NRG3: variants seen among roughly 807,000 people sequenced by gnomAD.
The protein encoded by NRG3 is neuregulin 3.
In NRG3, 31 loss-of-function variants were observed where a neutral mutation model predicts 66.9. That is an observed-to-expected ratio of 0.46 (90% confidence interval 0.35 to 0.63). NRG3 has a LOEUF of 0.63. NRG3 is among the 20% of genes least tolerant of loss of function. The probability of loss-of-function intolerance (pLI) is 0.00; values close to 1 mark genes in which losing one functional copy is unlikely to be tolerated. For synonymous variants in NRG3, 393 were observed against 359.4 expected, an observed-to-expected ratio of 1.09 and a Z score of -1.06; for missense variants, 910 against 878.9, an observed-to-expected ratio of 1.04 and a Z score of -0.45.
intron 1 of NRG3, among the ~76,000 whole-genome samples, chr10:81,908,863 T>A (rs1164226375): frequency 6.6e-6 from 1 of 152,166 alleles, no homozygotes; most frequent in African/African-American, 2.4e-5. Context: ...TTTCCCATAC[T>A]GTTTTACCAG....
At chr10:82,205,666 A>C (rs12781928) in intron 1 of NRG3, among the ~76,000 whole-genome samples, 83,184 of 151,972 alleles carry the variant, frequency 0.55, 24,494 homozygotes, top group Middle Eastern at 0.68. Context: ...ACTGAAGGAA[A>C]AGATGTCATT....
chr10:82,460,560 C>A (rs754679505), intron 2 of NRG3, among the ~76,000 whole-genome samples: 1 of 152,144 alleles, frequency 6.6e-6, no homozygotes, highest in Non-Finnish European at 1.5e-5. Flanking sequence ...CTATTCATTT[C>A]GGTGCAGGAA....
chr10:82,831,460 GT>G (rs5786574), intron 3 of NRG3, among the ~76,000 whole-genome samples: 58,182 of 151,886 alleles, frequency 0.38, 11,362 homozygotes, highest in African/African-American at 0.47. Context: ...ATGGAACACA[GT>G]TTTTTTTGTG....
intron 1 of NRG3, among the ~76,000 whole-genome samples, chr10:82,142,426 GGTT>G (rs2132656022): frequency 6.6e-6 from 1 of 152,196 alleles, no homozygotes; most frequent in South Asian, 2.1e-4. Context: ...GTCAAAATGT[GGTT>G]GTGAAACCCA....
chr10:82,955,727 CA>C (rs1046446706), intron 5 of NRG3, among the ~76,000 whole-genome samples: 23 of 151,728 alleles, frequency 1.5e-4, no homozygotes, highest in Middle Eastern at 3.2e-3. Flanking sequence ...TTTTAGATCC[CA>C]AAAAAAGCCT....
rs555498798 is a variant in NRG3, at chr10:82,421,169, C to A, written c.953+62301C>A. ...TATCTATGAGTGAACCTTCACTAGG[C>A]AAATAAAATAAATAAGTATTAACAC... is the stretch of plus-strand genomic sequence containing the variant. On this transcript the variant is annotated intron_variant, in intron 2 of 8. Coordinates refer to ENST00000372141, the MANE Select transcript of NRG3 (RefSeq NM_001010848.4). Among the ~76,000 whole-genome samples the A allele has an allele frequency of 4.6e-5, 7 of 152,120 alleles. No individual in the cohort carries two copies. In the East Asian group the frequency reaches 1.4e-3, roughly 29 times the overall value.
chr10:82,043,168 G>A (rs2063120240), intron 1 of NRG3, among the ~76,000 whole-genome samples: 1 of 151,952 alleles, frequency 6.6e-6, no homozygotes, highest in Non-Finnish European at 1.5e-5. Flanking sequence ...ACAGCTGCAT[G>A]GCAGAAAATG....
chr10:82,396,286 T>C (rs1407912445), intron 2 of NRG3, among the ~76,000 whole-genome samples: 2 of 152,208 alleles, frequency 1.3e-5, no homozygotes, highest in Non-Finnish European at 2.9e-5. Context: ...TCAATAACTT[T>C]CCCTTTACTA....
intron 4 of NRG3, among the ~76,000 whole-genome samples, chr10:82,945,449 G>A (rs779072424): frequency 6.6e-6 from 1 of 152,130 alleles, no homozygotes; most frequent in African/African-American, 2.4e-5. Flanking sequence ...CACAAAATGG[G>A]TACTTTATTT....
At chr10:82,024,737 G>A (rs1443122607) in intron 1 of NRG3, among the ~76,000 whole-genome samples, 3 of 152,046 alleles carry the variant, frequency 2.0e-5, no homozygotes, top group South Asian at 2.1e-4. Context: ...AAAAAATGCG[G>A]AAAAGATTGA....
intron 1 of NRG3, among the ~76,000 whole-genome samples, chr10:82,228,078 C>T (rs1564686382): frequency 6.6e-6 from 1 of 152,110 alleles, no homozygotes; most frequent in Non-Finnish European, 1.5e-5. Context: ...ATCAACAGGG[C>T]CTTCCTCACA....
intron 1 of NRG3, among the ~76,000 whole-genome samples, chr10:82,096,075 C>T (rs907879585): frequency 1.3e-4 from 20 of 152,196 alleles, no homozygotes; most frequent in African/African-American, 4.8e-4. Context: ...AATCGCAATT[C>T]GAGCCAGTAG....
rs1200946481 is a variant in NRG3 at position 82,354,576 on chromosome 10, G to C, written c.824-4163G>C. Reference sequence around the variant, plus strand: ...TGGCTAATTTTTTGTATTTTTAGTAGAGACAGGGTTTCACCATGTTGGCCA... The same window carrying C: ...TGGCTAATTTTTTGTATTTTTAGTACAGACAGGGTTTCACCATGTTGGCCA... On this transcript the variant is annotated intron_variant, in intron 1 of 8. Transcript: ENST00000372141. Among the ~76,000 whole-genome samples the C allele has an allele frequency of 2.6e-5, 4 of 152,114 alleles. No individual in the cohort carries two copies. In the East Asian group the frequency reaches 7.8e-4, roughly 30 times the overall value.
intron 4 of NRG3, among the ~76,000 whole-genome samples, chr10:82,886,789 A>G (rs1842757737): frequency 6.6e-6 from 1 of 152,346 alleles, no homozygotes; most frequent in Non-Finnish European, 1.5e-5. Context: ...GCTATCTGCT[A>G]CTAGGCATAG....
intron 2 of NRG3, among the ~76,000 whole-genome samples, chr10:82,412,543 C>T (rs2088181440): frequency 1.3e-5 from 2 of 152,092 alleles, no homozygotes. Context: ...TGGCTGCTGA[C>T]TGATCAGGGT....
Position 82,205,874 on chromosome 10 carries a change from G to A in NRG3, c.824-152865G>A, listed in dbSNP as rs543866434. On this transcript the variant is annotated intron_variant, in intron 1 of 8. Transcript: ENST00000372141. ...TAGGTTTTCTGCCTTTTCTTTGTTA[G>A]GATCACATTTCATTTATGTTCTTTA... Among the ~76,000 whole-genome samples, 17 of 152,224 alleles carry A rather than the reference G, an allele frequency of 1.1e-4. No individual in the cohort carries two copies. The East Asian group carries it at 3.3e-3, about 29-fold the overall frequency.
At chr10:82,102,039 A>T (rs73320317) in intron 1 of NRG3, among the ~76,000 whole-genome samples, 8,130 of 144,120 alleles carry the variant, frequency 0.056, 813 homozygotes, top group African/African-American at 0.19. Flanking sequence ...ATATATGCAC[A>T]TATAAATGTA....
At chr10:82,104,030 T>C (rs2066916952) in intron 1 of NRG3, among the ~76,000 whole-genome samples, 2 of 151,962 alleles carry the variant, frequency 1.3e-5, no homozygotes, top group Non-Finnish European at 2.9e-5. Context: ...TCCACCCTCA[T>C]GTCAAAGTTG....
intron 2 of NRG3, among the ~76,000 whole-genome samples, chr10:82,629,577 A>G (rs2049669998): frequency 6.6e-6 from 1 of 152,186 alleles, no homozygotes; most frequent in Non-Finnish European, 1.5e-5. Context: ...TTTCTAAGCA[A>G]GTTACCCCCA....
Sources: allele counts gnomAD v4.1 joint callset (sites outside exome capture counted in the v4.1 genomes callset), GRCh38; gene constraint gnomAD v4.1.1; transcripts MANE v1.5; gene names NCBI Gene and HGNC (gene_info 2026-07-23, HGNC 2026-07-21).